The following CSMD1 variants were observed in gnomAD, a reference collection of about 807,000 sequenced individuals.
The protein encoded by CSMD1 is CUB and Sushi multiple domains 1, also known as CUB and sushi domain-containing protein 1.
A neutral mutation model predicts 417.5 loss-of-function variants in CSMD1; 213 were observed. That is an observed-to-expected ratio of 0.51 (90% confidence interval 0.46 to 0.57). CSMD1 has a LOEUF of 0.57. Among genes scored for constraint, CSMD1 ranks in the 20% least tolerant of loss-of-function variants. The pLI is 0.00. For missense variants in CSMD1, 6,923 were observed against 4,529.7 expected (o/e 1.53, Z -15.17); for synonymous variants, 2,862 against 1,736.8 (o/e 1.65, Z -16.11).
At chr8:4,381,637 G>C (rs942209794) in intron 3 of CSMD1, among the ~76,000 whole-genome samples, 2 of 152,110 alleles carry the variant, frequency 1.3e-5, no homozygotes, top group African/African-American at 4.8e-5. Flanking sequence ...TCCACCCCTT[G>C]TAGGCAACCA....
intron 5 of CSMD1, among the ~76,000 whole-genome samples, chr8:3,779,824 T>C (rs943708976): frequency 6.6e-6 from 1 of 152,344 alleles, no homozygotes; most frequent in African/African-American, 2.4e-5. Context: ...ACATATTTAA[T>C]AGGGACAGGA....
At chr8:4,413,953 C>G (rs574309586) in intron 3 of CSMD1, among the ~76,000 whole-genome samples, 12 of 152,282 alleles carry the variant, frequency 7.9e-5, no homozygotes, top group Non-Finnish European at 1.3e-4. Context: ...GTTTCAAGCT[C>G]TATAATTGTT....
Position 4,384,478 on chromosome 8 carries a change from A to G in CSMD1, c.415+35475T>C, listed in dbSNP as rs77643722. ...TCAAATAAAGCTTCTTCTATCTACTATCTATGAATTTGTTGATCAAATAGT... is the reference window on the plus strand; with the variant it reads ...TCAAATAAAGCTTCTTCTATCTACTGTCTATGAATTTGTTGATCAAATAGT... On this transcript the variant is annotated intron_variant, in intron 3 of 69. Transcript: ENST00000635120. 3.7e-3 allele frequency among the ~76,000 whole-genome samples: 568 copies of G among 152,332 alleles called. 4 individuals are homozygous for G. Among genetic ancestry groups the G allele is most frequent in the Non-Finnish European group, 5.1e-3 (347 of 68,026 alleles).
intron 2 of CSMD1, among the ~76,000 whole-genome samples, chr8:4,528,578 A>G (rs935207065): frequency 1.3e-5 from 2 of 152,164 alleles, no homozygotes; most frequent in African/African-American, 4.8e-5. Context: ...AATTATTTGT[A>G]TCACAAAATA....
chr8:4,914,757 G>T (rs1805938369), intron 1 of CSMD1, among the ~76,000 whole-genome samples: 1 of 152,256 alleles, frequency 6.6e-6, no homozygotes, highest in East Asian at 1.9e-4. Flanking sequence ...TGTTTTCTCA[G>T]TTTACGTCAC....
chr8:4,332,735 A>T (rs1165865313), intron 3 of CSMD1, among the ~76,000 whole-genome samples: 2 of 152,116 alleles, frequency 1.3e-5, no homozygotes, highest in East Asian at 1.9e-4. Context: ...AGTGTGAGTT[A>T]CCATTCTTAG....
chr8:4,123,842 G>T (rs962401173), intron 3 of CSMD1, among the ~76,000 whole-genome samples: 1 of 152,036 alleles, frequency 6.6e-6, no homozygotes, highest in African/African-American at 2.4e-5. Context: ...TAGAGAATGA[G>T]AACACGGAAC....
At chr8:3,296,547 G>T (rs1803981575) in intron 25 of CSMD1, among the ~76,000 whole-genome samples, 1 of 152,130 alleles carries the variant, frequency 6.6e-6, no homozygotes, top group African/African-American at 2.4e-5. Flanking sequence ...GGCCGTGCTT[G>T]CTTGCTCTGT....
At chr8:4,961,279 G>C (rs4623447) in intron 1 of CSMD1, among the ~76,000 whole-genome samples, 1 of 151,972 alleles carries the variant, frequency 6.6e-6, no homozygotes, top group South Asian at 2.1e-4. Flanking sequence ...CCCATCAAAC[G>C]CATCCAAAAA....
chr8:3,155,359 A>AATTTTTTTTTTTTTTTTT (rs1819453067), intron 39 of CSMD1, among the ~76,000 whole-genome samples: 1 of 43,316 alleles, frequency 2.3e-5, no homozygotes, highest in African/African-American at 7.0e-5. Flanking sequence ...CAAGGCTGGG[A>AATTTTTTTTTTTTTTTTT]TTTTTTTTTT....
chr8:3,709,242 C>T (rs1183562622), intron 6 of CSMD1, among the ~76,000 whole-genome samples: 1 of 151,366 alleles, frequency 6.6e-6, no homozygotes, highest in African/African-American at 2.4e-5. Context: ...CTAAGCTATC[C>T]CACACTTGGC....
chr8:3,229,240 T>G (rs1390543101), intron 27 of CSMD1, among the ~76,000 whole-genome samples: 1 of 152,206 alleles, frequency 6.6e-6, no homozygotes, highest in Admixed American at 6.5e-5. Flanking sequence ...CAATTAAATT[T>G]TACATTTTTC....
At chr8:4,647,394 GGTCT>G (rs753964103) in intron 1 of CSMD1, among the ~76,000 whole-genome samples, 1 of 150,504 alleles carries the variant, frequency 6.6e-6, no homozygotes, top group African/African-American at 2.5e-5. Context: ...GTGCCACGGA[GGTCT>G]GTTAGGTAGG....
intron 3 of CSMD1, among the ~76,000 whole-genome samples, chr8:4,262,112 T>A (rs185462905): frequency 5.3e-5 from 8 of 152,340 alleles, no homozygotes; most frequent in Admixed American, 5.2e-4. Context: ...TTACTTCTCT[T>A]TCCTATAGAG....
Position 3,308,241 on chromosome 8 carries a change from G to A in CSMD1, c.3823+71C>T. ...TTCCTCCTCTTTTCCAATAAAGGAA[G>A]TCAATGCAACATGGTGCAAGCACCC... On this transcript the variant is annotated intron_variant, in intron 24 of 69. Coordinates refer to ENST00000635120, the MANE Select transcript of CSMD1 (RefSeq NM_033225.6). 5 of 1,183,704 alleles carry A rather than the reference G, an allele frequency of 4.2e-6. No individual in the cohort carries two copies. The Admixed American group carries it at 6.6e-5, about 16-fold the overall frequency. The allele number at this position is 1,183,704 out of a possible 1,614,324, so 73.3% of individuals were successfully genotyped here.
intron 3 of CSMD1, among the ~76,000 whole-genome samples, chr8:4,355,227 A>C (rs1009945695): frequency 6.6e-6 from 1 of 151,872 alleles, no homozygotes; most frequent in Non-Finnish European, 1.5e-5. Flanking sequence ...GCGCCACTGC[A>C]CTCCAGCCTG....
chr8:4,701,724 C>A (rs183195924), intron 1 of CSMD1, among the ~76,000 whole-genome samples: 12 of 152,000 alleles, frequency 7.9e-5, no homozygotes, highest in Non-Finnish European at 1.3e-4. Flanking sequence ...CATAACATTC[C>A]TCTTTTTCTA....
intron 7 of CSMD1, among the ~76,000 whole-genome samples, chr8:3,694,155 G>C (rs1180455157): frequency 6.6e-6 from 1 of 152,012 alleles, no homozygotes; most frequent in Non-Finnish European, 1.5e-5. Context: ...ACATGCTGGA[G>C]AGGGGCTCAC....
intron 3 of CSMD1, among the ~76,000 whole-genome samples, chr8:4,170,695 G>A (rs1584951674): frequency 6.6e-6 from 1 of 151,564 alleles, no homozygotes; most frequent in Non-Finnish European, 1.5e-5. Context: ...TCTGACAAAA[G>A]TAAACTGATA....
Sources: allele counts gnomAD v4.1 joint callset (sites outside exome capture counted in the v4.1 genomes callset), GRCh38; gene constraint gnomAD v4.1.1; transcripts MANE v1.5; gene names NCBI Gene and HGNC (gene_info 2026-07-23, HGNC 2026-07-21).